Variants in RNF150 observed in about 807,000 individuals in gnomAD.
RNF150 encodes ring finger protein 150.
In RNF150, 24 loss-of-function variants were observed where a neutral mutation model predicts 39.3. That is an observed-to-expected ratio of 0.61 (90% CI 0.44 to 0.86). The LOEUF (loss-of-function observed/expected upper bound fraction) is 0.86, where lower values mean the gene tolerates loss of function less well. Ranked by LOEUF, RNF150 falls within the 40% of genes least tolerant of loss-of-function variation. The pLI, the probability that RNF150 is intolerant of heterozygous loss-of-function variation, is 0.00. For synonymous variants in RNF150, 255 were observed against 227.3 expected, an observed-to-expected ratio of 1.12 and a Z score of -1.10; for missense variants, 502 against 587.8, an observed-to-expected ratio of 0.85 and a Z score of 1.51.
chr4:141,072,064 T>A (rs1220158548), intron 1 of RNF150, among the ~76,000 whole-genome samples: 1 of 152,170 alleles, frequency 6.6e-6, no homozygotes. Flanking sequence ...CAGATTTGCG[T>A]GCTAAACAAG....
At chr4:141,038,269 C>T (rs1375819110) in intron 1 of RNF150, among the ~76,000 whole-genome samples, 1 of 152,182 alleles carries the variant, frequency 6.6e-6, no homozygotes, top group Non-Finnish European at 1.5e-5. Context: ...CCTCAGACTG[C>T]AACCTTGGGT....
intron 1 of RNF150, among the ~76,000 whole-genome samples, chr4:141,205,904 T>C (rs1200422147): frequency 6.6e-6 from 1 of 152,172 alleles, no homozygotes; most frequent in Non-Finnish European, 1.5e-5. Context: ...AGTTAACACT[T>C]ATGATTGCTT....
intron 1 of RNF150, among the ~76,000 whole-genome samples, chr4:141,170,677 C>A (rs994844210): frequency 6.6e-6 from 1 of 152,028 alleles, no homozygotes. Flanking sequence ...TGGAAGTCTA[C>A]CGTTCAGAGA....
chr4:140,920,447 C>T (rs1048019514), intron 5 of RNF150, among the ~76,000 whole-genome samples: 2 of 134,828 alleles, frequency 1.5e-5, no homozygotes, highest in African/African-American at 5.5e-5. Context: ...CGCTCACCAT[C>T]ACTGGCCATC....
chr4:140,923,342 T>C (rs1326547688), intron 5 of RNF150, among the ~76,000 whole-genome samples: 1 of 152,204 alleles, frequency 6.6e-6, no homozygotes, highest in South Asian at 2.1e-4. Context: ...AAAGAAGACA[T>C]TTATGCAGCC....
intron 6 of RNF150, among the ~76,000 whole-genome samples, chr4:140,904,646 G>A (rs903107877): frequency 6.6e-6 from 1 of 152,206 alleles, no homozygotes; most frequent in African/African-American, 2.4e-5. Flanking sequence ...GGACATTGCT[G>A]TTTTGCAAAT....
At chr4:141,118,799 C>T (rs1386780294) in intron 1 of RNF150, among the ~76,000 whole-genome samples, 4 of 152,076 alleles carry the variant, frequency 2.6e-5, no homozygotes, top group South Asian at 2.1e-4. Flanking sequence ...CTCACTCTGT[C>T]GCCCAGGCTG....
intron 1 of RNF150, among the ~76,000 whole-genome samples, chr4:141,148,720 C>T (rs1307489513): frequency 2.6e-5 from 4 of 152,216 alleles, no homozygotes; most frequent in South Asian, 2.1e-4. Context: ...GGATTACAGG[C>T]GTGCACCACC....
At chr4:141,018,926 T>C (rs986489028) in intron 1 of RNF150, among the ~76,000 whole-genome samples, 1 of 151,346 alleles carries the variant, frequency 6.6e-6, no homozygotes, top group African/African-American at 2.4e-5. Context: ...ATTATACAGG[T>C]TTTTTCCTAG....
chr4:140,941,035 T>A (rs1047942653), intron 4 of RNF150, among the ~76,000 whole-genome samples: 4 of 152,028 alleles, frequency 2.6e-5, no homozygotes, highest in Non-Finnish European at 5.9e-5. Context: ...ACTGGAAGAT[T>A]CAAGTATCCA....
chr4:141,192,020 T>G lies in RNF150; in HGVS notation c.-6+20774A>C, dbSNP rs545509408. 7.4e-4 allele frequency among the ~76,000 whole-genome samples: 112 copies of G among 152,302 alleles called. 3 individuals carry two copies. The South Asian group carries it at 0.022, about 30-fold the overall frequency. The stretch of plus-strand genomic sequence containing the variant: ...CCTATGAATCAGATGGAGCATGAAT[T>G]GGGCTTTCTCCCTTTTCTGGTCAAG... On this transcript the variant is annotated intron_variant, in intron 1 of 7. Coordinates refer to the RNF150 transcript ENST00000420921.
At chr4:141,130,764 G>A (rs573368294) in intron 1 of RNF150, among the ~76,000 whole-genome samples, 1 of 149,822 alleles carries the variant, frequency 6.7e-6, no homozygotes, top group African/African-American at 2.5e-5. Flanking sequence ...TAAGTAACAT[G>A]TTTATCTAAA....
chr4:140,939,943 A>T (rs919310384), intron 4 of RNF150, among the ~76,000 whole-genome samples: 1 of 152,122 alleles, frequency 6.6e-6, no homozygotes, highest in Non-Finnish European at 1.5e-5. Flanking sequence ...TCCAATTCAG[A>T]CTTCTAGCAT....
intron 1 of RNF150, among the ~76,000 whole-genome samples, chr4:141,093,327 C>T (rs867368017): frequency 2.0e-5 from 3 of 147,426 alleles, no homozygotes; most frequent in African/African-American, 5.0e-5. Context: ...GATCACACCA[C>T]TGCACTCCAG....
chr4:141,147,484 A>G (rs765747762), intron 1 of RNF150, among the ~76,000 whole-genome samples: 3 of 152,196 alleles, frequency 2.0e-5, no homozygotes, highest in Non-Finnish European at 4.4e-5. Context: ...ATTGCCTAGA[A>G]CCCAGTCACA....
chr4:141,105,035 T>C (rs1739151378), intron 1 of RNF150, among the ~76,000 whole-genome samples: 1 of 152,154 alleles, frequency 6.6e-6, no homozygotes, highest in Non-Finnish European at 1.5e-5. Flanking sequence ...TTTCATAATC[T>C]CAATCGTGTA....
At chr4:141,062,444 C>A (rs1216588615) in intron 1 of RNF150, among the ~76,000 whole-genome samples, 1 of 152,010 alleles carries the variant, frequency 6.6e-6, no homozygotes, top group African/African-American at 2.4e-5. Flanking sequence ...GCATATAAAG[C>A]ATCTAGAAGG....
chr4:140,990,939 T>C (rs950723012), intron 1 of RNF150, among the ~76,000 whole-genome samples: 3 of 152,214 alleles, frequency 2.0e-5, no homozygotes, highest in Admixed American at 6.5e-5. Flanking sequence ...TGAAGTAATC[T>C]ACATTCCCAG....
chr4:140,988,355 G>A (rs2111472465), intron 1 of RNF150, among the ~76,000 whole-genome samples: 1 of 152,244 alleles, frequency 6.6e-6, no homozygotes, highest in East Asian at 1.9e-4. Context: ...CAACCTAGGT[G>A]TCCATCAACA....
Sources: allele counts gnomAD v4.1 joint callset (sites outside exome capture counted in the v4.1 genomes callset), GRCh38; gene constraint gnomAD v4.1.1; transcripts MANE v1.5; gene names NCBI Gene and HGNC (gene_info 2026-07-23, HGNC 2026-07-21).